CIMIP6: variants seen among roughly 807,000 people sequenced by gnomAD.
The protein encoded by CIMIP6 is uncharacterized protein C2orf73.
At chr2:54,352,138 G>T in the CIMIP6 span, among the ~76,000 whole-genome samples, 4 of 152,076 alleles carry the variant, frequency 2.6e-5, no homozygotes, top group Admixed American at 2.6e-4. Flanking sequence ...TTGACATAAT[G>T]TACTAAATAA....
At chr2:54,381,906 G>A in the CIMIP6 span, 3 of 1,550,686 alleles carry the variant, frequency 1.9e-6, no homozygotes, top group East Asian at 7.3e-5. Context: ...AGTGCAGGAA[G>A]AAAAGGAACA....
the CIMIP6 span, chr2:54,334,900 T>C: frequency 2.1e-5 from 33 of 1,573,770 alleles, no homozygotes; most frequent in Non-Finnish European, 2.8e-5. Flanking sequence ...GGAAAAAGCA[T>C]ACATCATTCA....
chr2:54,339,008 T>C, the CIMIP6 span, among the ~76,000 whole-genome samples: 5 of 70,338 alleles, frequency 7.1e-5, 1 homozygote, highest in Admixed American at 7.0e-4. Flanking sequence ...TACAAAAAAT[T>C]AGATGGGCAT....
At chr2:54,362,428 T>C in the CIMIP6 span, among the ~76,000 whole-genome samples, 2 of 152,252 alleles carry the variant, frequency 1.3e-5, no homozygotes, top group Non-Finnish European at 2.9e-5. Flanking sequence ...TTTTATTATG[T>C]TGCCTTTTCT....
At chr2:54,337,787 T>C in the CIMIP6 span, among the ~76,000 whole-genome samples, 2 of 152,118 alleles carry the variant, frequency 1.3e-5, no homozygotes, top group Admixed American at 1.3e-4. Context: ...GAAAGTGAGT[T>C]TGAGATGAAA....
At chr2:54,374,799 CAT>C in the CIMIP6 span, among the ~76,000 whole-genome samples, 1 of 152,214 alleles carries the variant, frequency 6.6e-6, no homozygotes, top group African/African-American at 2.4e-5. Context: ...ATGAAATACA[CAT>C]GTCAAGGCCC....
the CIMIP6 span, among the ~76,000 whole-genome samples, chr2:54,337,597 G>C: frequency 1.3e-5 from 2 of 152,100 alleles, no homozygotes; most frequent in Non-Finnish European, 2.9e-5. Flanking sequence ...AAGCTGGTTT[G>C]AGAATAGAAA....
At chr2:54,362,871 C>T in the CIMIP6 span, among the ~76,000 whole-genome samples, 6 of 152,250 alleles carry the variant, frequency 3.9e-5, no homozygotes, top group East Asian at 3.9e-4. Context: ...CATGGTACTT[C>T]GCCACTAAGT....
the CIMIP6 span, among the ~76,000 whole-genome samples, chr2:54,377,577 CCT>C: frequency 6.6e-6 from 1 of 152,170 alleles, no homozygotes; most frequent in African/African-American, 2.4e-5. Flanking sequence ...CCAGCACACC[CCT>C]GAGATTGCTA....
At chr2:54,340,698 T>C in the CIMIP6 span, among the ~76,000 whole-genome samples, 2 of 152,366 alleles carry the variant, frequency 1.3e-5, no homozygotes, top group East Asian at 1.9e-4. Context: ...ATTTCCTTTA[T>C]GTTTGTGAAA....
At chr2:54,370,577 A>G in the CIMIP6 span, among the ~76,000 whole-genome samples, 1 of 152,324 alleles carries the variant, frequency 6.6e-6, no homozygotes, top group Non-Finnish European at 1.5e-5. Flanking sequence ...ATAACTTCAA[A>G]CACACAAATC....
the CIMIP6 span, among the ~76,000 whole-genome samples, chr2:54,336,770 T>G: frequency 3.3e-5 from 5 of 152,186 alleles, no homozygotes; most frequent in African/African-American, 1.2e-4. Flanking sequence ...CAGAGAAGGC[T>G]TCACTGAGTG....
chr2:54,381,756 T>G, the CIMIP6 span: 1 of 1,439,410 alleles, frequency 6.9e-7, no homozygotes, highest in South Asian at 1.6e-5. Flanking sequence ...CATGGGCACA[T>G]TTCAGAACTC....
At chr2:54,379,301 G>A in the CIMIP6 span, among the ~76,000 whole-genome samples, 1 of 152,274 alleles carries the variant, frequency 6.6e-6, no homozygotes, top group African/African-American at 2.4e-5. Flanking sequence ...GGCAAAAAAG[G>A]ACGTCTGGGA....
chr2:54,352,576 AT>A, the CIMIP6 span, among the ~76,000 whole-genome samples: 1 of 152,160 alleles, frequency 6.6e-6, no homozygotes, highest in Non-Finnish European at 1.5e-5. Context: ...AAAATCTATT[AT>A]TTTAGCAATT....
the CIMIP6 span, among the ~76,000 whole-genome samples, chr2:54,352,452 G>A: frequency 6.6e-6 from 1 of 152,098 alleles, no homozygotes; most frequent in Non-Finnish European, 1.5e-5. Flanking sequence ...AACAAAAATT[G>A]TTTGTATCTA....
chr2:54,380,952 G>A, the CIMIP6 span, among the ~76,000 whole-genome samples: 1 of 152,124 alleles, frequency 6.6e-6, no homozygotes. Context: ...ATGCCGAAAC[G>A]CCTTGGGTGC....
the CIMIP6 span, among the ~76,000 whole-genome samples, chr2:54,380,955 T>C: frequency 1.3e-5 from 2 of 152,188 alleles, no homozygotes; most frequent in Non-Finnish European, 2.9e-5. Context: ...CCGAAACGCC[T>C]TGGGTGCCTT....
chr2:54,367,192 AAGTT>A, the CIMIP6 span, among the ~76,000 whole-genome samples: 6 of 152,142 alleles, frequency 3.9e-5, 1 homozygote, highest in Admixed American at 3.3e-4. Flanking sequence ...TAGACAGAAA[AAGTT>A]AGGATGTAAG....
Sources: gnomAD v4.1 joint callset for allele counts (sites outside exome capture counted in the v4.1 genomes callset) on GRCh38, gnomAD v4.1.1 for gene constraint, MANE v1.5 for transcripts, NCBI Gene and HGNC (gene_info 2026-07-23, HGNC 2026-07-21) for gene names.